Variants in CYP20A1 observed in about 807,000 individuals in gnomAD.
The protein encoded by CYP20A1 is cytochrome P450 family 20 subfamily A member 1.
In CYP20A1, 61 loss-of-function variants were observed where a neutral mutation model predicts 61.4. The ratio of observed to expected loss-of-function variants is 0.99; its 90% CI spans 0.81 to 1.23. The LOEUF is 1.23. Ranked by LOEUF, CYP20A1 falls within the 50% of genes most tolerant of loss-of-function variation. The probability of loss-of-function intolerance (pLI) is 0.00; values close to 1 mark genes in which losing one functional copy is unlikely to be tolerated. For missense variants in CYP20A1, 530 were observed against 542.4 expected (o/e 0.98, Z 0.23); for synonymous variants, 193 against 188.2 (o/e 1.03, Z -0.21).
intron 5 of CYP20A1, among the ~76,000 whole-genome samples, chr2:203,272,359 A>G (rs1369590356): frequency 1.3e-5 from 2 of 152,070 alleles, no homozygotes; most frequent in Non-Finnish European, 2.9e-5. Flanking sequence ...CCTGAGAAAC[A>G]TGGTGAAACC....
rs2069151879 is a variant in CYP20A1, at chr2:203,304,636, A to C, written c.*7728A>C. On this transcript the variant is annotated 3_prime_UTR_variant, in exon 13 of 13. Transcript: ENST00000356079. Reference sequence around the variant, plus strand: ...CAGCATGAGTTACTTTTCACTTAATAAATTTTAAACATTTTCCAGCTGGGT... The same window carrying C: ...CAGCATGAGTTACTTTTCACTTAATCAATTTTAAACATTTTCCAGCTGGGT... Among the ~76,000 whole-genome samples, 1 of 152,226 alleles carries C rather than the reference A, an allele frequency of 6.6e-6. No homozygotes were observed. Among genetic ancestry groups the C allele is most frequent in the Non-Finnish European group, 1.5e-5 (1 of 68,050 alleles).
intron 6 of CYP20A1, among the ~76,000 whole-genome samples, chr2:203,277,273 G>T (rs1181010351): frequency 6.6e-6 from 1 of 151,842 alleles, no homozygotes. Flanking sequence ...GTTTGAACCC[G>T]GGAGGTGGAG....
chr2:203,256,170 T>C lies in CYP20A1; in HGVS notation c.432+4061T>C, dbSNP rs1309335622. Among the ~76,000 whole-genome samples, 8 of 151,856 alleles carry C rather than the reference T, an allele frequency of 5.3e-5. No homozygotes were observed. The South Asian group carries it at 1.0e-3, about 20-fold the overall frequency. On this transcript the variant is annotated intron_variant, in intron 4 of 12. Coordinates refer to ENST00000356079, the MANE Select transcript of CYP20A1 (RefSeq NM_177538.3). ...TTTTGTAAAGACGTGTGTCTCATTA[T>C]GTTTCCTAGGCTGGTCTTGAACTCG...
chr2:203,256,147 T>C (rs991746214), intron 4 of CYP20A1, among the ~76,000 whole-genome samples: 2 of 78,162 alleles, frequency 2.6e-5, no homozygotes, highest in African/African-American at 4.3e-5. Flanking sequence ...TTAAAATTTT[T>C]TGTAAAGACG....
At chr2:203,265,798 C>T (rs917696714) in intron 4 of CYP20A1, among the ~76,000 whole-genome samples, 4 of 152,172 alleles carry the variant, frequency 2.6e-5, no homozygotes, top group African/African-American at 9.7e-5. Flanking sequence ...TCAAGCTATT[C>T]TCCTGCTTCA....
rs2067917472 is a variant in CYP20A1 at position 203,278,586 on chromosome 2, G to A, written c.693G>A (p.Leu231=). 1 of 1,571,608 alleles carries A rather than the reference G, an allele frequency of 6.4e-7. No homozygotes were observed. The highest frequency in any genetic ancestry group is 2.3e-5 in the East Asian group (1 of 43,852). Residue 231 remains leucine (L), a synonymous_variant, in exon 7 of 13, where the codon CTG becomes CTA. Transcript: ENST00000356079. ...TTTTTCTCTAAGCCCTCATGCAACT[G>A]GAGTCTGTTTTAAGGAACATCATAA... The part of the protein sequence containing the change: ...KKQYEDALMQ[L]ESVLRNIIKE...
At position 203,302,311 on chromosome 2, in the gene CYP20A1, G is replaced by A. The variant is rs185249689; in HGVS notation, c.*5403G>A. 3.0e-4 allele frequency among the ~76,000 whole-genome samples: 46 copies of A among 152,262 alleles called. No homozygotes were observed. Among genetic ancestry groups the A allele is most frequent in the Middle Eastern group, 6.8e-3 (2 of 294 alleles). Reference sequence around the variant, plus strand: ...TTTGGGAGTTCAAGGCGGCCAGATTGCTTGAGCTTTTAGAAGTTTGAGACC... The same window carrying A: ...TTTGGGAGTTCAAGGCGGCCAGATTACTTGAGCTTTTAGAAGTTTGAGACC... On this transcript the variant is annotated 3_prime_UTR_variant, in exon 13 of 13. Coordinates refer to ENST00000356079, the MANE Select transcript of CYP20A1 (RefSeq NM_177538.3).
At chr2:203,267,750 A>C (rs1039108462) in intron 5 of CYP20A1, among the ~76,000 whole-genome samples, 1 of 151,732 alleles carries the variant, frequency 6.6e-6, no homozygotes, top group Non-Finnish European at 1.5e-5. Context: ...AGGCTGAGGC[A>C]GAGAACCACC....
rs1348932931 is a variant in CYP20A1 at position 203,304,668 on chromosome 2, G to C, written c.*7760G>C. Among the ~76,000 whole-genome samples, 1 of 152,172 alleles carries C rather than the reference G, an allele frequency of 6.6e-6. No individual in the cohort carries two copies. Among genetic ancestry groups the C allele is most frequent in the African/African-American group, 2.4e-5 (1 of 41,458 alleles). ...AAACATTTTCCAGCTGGGTGTGGTGGCTCATGCCTGTAATCCCAACACTTG... is the reference window on the plus strand; with the variant it reads ...AAACATTTTCCAGCTGGGTGTGGTGCCTCATGCCTGTAATCCCAACACTTG... On this transcript the variant is annotated 3_prime_UTR_variant, in exon 13 of 13. Transcript: ENST00000356079.
At chr2:203,265,821 G>A (rs1473554973) in intron 4 of CYP20A1, among the ~76,000 whole-genome samples, 1 of 152,104 alleles carries the variant, frequency 6.6e-6, no homozygotes, top group Non-Finnish European at 1.5e-5. Context: ...CTCCTGAGTA[G>A]CTGGGATTAC....
intron 3 of CYP20A1, among the ~76,000 whole-genome samples, chr2:203,249,235 A>T (rs2066571474): frequency 1.3e-5 from 2 of 152,226 alleles, no homozygotes; most frequent in African/African-American, 4.8e-5. Context: ...AACATCTTGA[A>T]TGGATGCGGT....
Position 203,298,390 on chromosome 2 carries a change from TAAA to T in CYP20A1, c.*1487_*1489del, listed in dbSNP as rs1362589706. Reference sequence around the variant, plus strand: ...GGGCAACAGAGCAAAACCCTGCCTTTAAAAAAACAAAAAACAAAAAAGGCCGGG... The same window carrying T: ...GGGCAACAGAGCAAAACCCTGCCTTTAAAACAAAAAACAAAAAAGGCCGGG... On this transcript the variant is annotated 3_prime_UTR_variant, in exon 13 of 13. Coordinates refer to ENST00000356079, the MANE Select transcript of CYP20A1 (RefSeq NM_177538.3). 1 of 171,186 alleles carries T rather than the reference TAAA, an allele frequency of 5.8e-6. No individual in the cohort carries two copies. The highest frequency in any genetic ancestry group is 1.2e-5 in the Non-Finnish European group (1 of 83,286). The allele number at this position is 171,186 out of a possible 1,614,324, so 10.6% of individuals were successfully genotyped here.
intron 7 of CYP20A1, among the ~76,000 whole-genome samples, chr2:203,279,008 C>T (rs960444237): frequency 5.3e-5 from 8 of 151,776 alleles, no homozygotes; most frequent in South Asian, 2.1e-4. Context: ...CTATGTCGCC[C>T]GGCTGGAGTG....
At chr2:203,279,353 A>C (rs1047167857) in intron 7 of CYP20A1, among the ~76,000 whole-genome samples, 2 of 152,152 alleles carry the variant, frequency 1.3e-5, no homozygotes, top group Admixed American at 6.6e-5. Flanking sequence ...TATATTATTT[A>C]ATATTATTAA....
chr2:203,297,137 A>G lies in CYP20A1; in HGVS notation c.*229A>G, dbSNP rs1420353891. ...TTTTAATGGGAAACTTTAGCTTTCT[A>G]CTTTTTATTTTTGTTTTTTCACTTT... is the stretch of plus-strand genomic sequence containing the variant. On this transcript the variant is annotated 3_prime_UTR_variant, in exon 13 of 13. Transcript: ENST00000356079. 1 of 280,102 alleles carries G rather than the reference A, an allele frequency of 3.6e-6. No homozygotes were observed. The highest frequency in any genetic ancestry group is 6.6e-6 in the Non-Finnish European group (1 of 152,504). The allele number at this position is 280,102 out of a possible 1,614,324, so 17.4% of individuals were successfully genotyped here.
At chr2:203,275,949 A>C (rs1405449049) in intron 6 of CYP20A1, among the ~76,000 whole-genome samples, 2 of 152,226 alleles carry the variant, frequency 1.3e-5, no homozygotes, top group African/African-American at 4.8e-5. Context: ...AAAATGCTGT[A>C]GACAAAAATA....
chr2:203,281,691 C>T (rs1371978480), intron 8 of CYP20A1, among the ~76,000 whole-genome samples: 2 of 151,828 alleles, frequency 1.3e-5, no homozygotes, highest in African/African-American at 4.8e-5. Flanking sequence ...ATCTCAGCTA[C>T]TGAGGAGGCT....
chr2:203,272,042 A>G (rs2067623528), intron 5 of CYP20A1, among the ~76,000 whole-genome samples: 1 of 152,182 alleles, frequency 6.6e-6, no homozygotes. Context: ...GGGGGAAGAA[A>G]AAATGAGGGT....
chr2:203,293,025 T>G (rs1368895274), intron 11 of CYP20A1, among the ~76,000 whole-genome samples: 1 of 150,772 alleles, frequency 6.6e-6, no homozygotes, highest in Non-Finnish European at 1.5e-5. Flanking sequence ...AATACAAAAA[T>G]TAGCTGGGCA....
Sources: gnomAD v4.1 joint callset for allele counts (sites outside exome capture counted in the v4.1 genomes callset) on GRCh38, gnomAD v4.1.1 for gene constraint, MANE v1.5 for transcripts, NCBI Gene and HGNC (gene_info 2026-07-23, HGNC 2026-07-21) for gene names.